Variants in OSBPL6 observed in about 807,000 individuals in gnomAD.
OSBPL6 encodes oxysterol-binding protein-related protein 6.
OSBPL6 carries 49 observed loss-of-function variants against 125.8 expected under a neutral mutation model. The ratio of observed to expected loss-of-function variants is 0.39; its 90% CI spans 0.31 to 0.49. OSBPL6 has a LOEUF of 0.49. Among genes scored for constraint, OSBPL6 ranks in the 20% least tolerant of loss-of-function variants. The pLI is 0.88. For missense variants in OSBPL6, 986 were observed against 1,135.4 expected, an observed-to-expected ratio of 0.87 and a Z score of 1.89; for synonymous variants, 394 against 391.8, an observed-to-expected ratio of 1.01 and a Z score of -0.07.
chr2:178,384,003 T>TC, intron 17 of OSBPL6, 36 bp from the exon 18 acceptor site: 1 of 1,608,062 alleles, frequency 6.2e-7, no homozygotes, highest in East Asian at 2.2e-5. Context: ...CAGTCGTCTC[T>TC]CCTATATTAT....
chr2:178,388,539 C>A (rs1467006885), intron 20 of OSBPL6, among the ~76,000 whole-genome samples: 3 of 152,130 alleles, frequency 2.0e-5, no homozygotes, highest in Non-Finnish European at 2.9e-5. Flanking sequence ...CCCTTCTGAC[C>A]TTTGTGGCTC....
chr2:178,377,773 G>A (rs1694020124), intron 15 of OSBPL6, among the ~76,000 whole-genome samples: 1 of 152,142 alleles, frequency 6.6e-6, no homozygotes, highest in South Asian at 2.1e-4. Context: ...GCCTATGCTG[G>A]CTGTCCTATC....
chr2:178,340,522 A>G (rs1690099979), intron 11 of OSBPL6, among the ~76,000 whole-genome samples: 1 of 152,076 alleles, frequency 6.6e-6, no homozygotes, highest in South Asian at 2.1e-4. Context: ...ATTGTGTTGC[A>G]GTGATTCAAA....
rs553806166 is a variant in OSBPL6 at position 178,392,658 on chromosome 2, C to G, written c.2573+120C>G. On this transcript the variant is annotated intron_variant, in intron 23 of 24. Coordinates refer to ENST00000190611, the MANE Select transcript of OSBPL6 (RefSeq NM_032523.4). Reference sequence around the variant, plus strand: ...ATCACTTGAGGTCAGGAATTCAAGACCAGCCTGGACAATATAGTGAGACTC... The same window carrying G: ...ATCACTTGAGGTCAGGAATTCAAGAGCAGCCTGGACAATATAGTGAGACTC... 2.3e-6 allele frequency: 3 copies of G among 1,281,492 alleles called. No individual in the cohort carries two copies. The African/African-American group carries it at 4.5e-5, about 19-fold the overall frequency. 79.4% of individuals were successfully genotyped at this position (1,281,492 alleles called of 1,614,324 possible). A position where few individuals can be genotyped will look rare whatever the true frequency, so the allele number is the denominator to read the frequency against.
intron 12 of OSBPL6, among the ~76,000 whole-genome samples, chr2:178,356,572 C>A (rs1051563076): frequency 2.6e-5 from 4 of 152,158 alleles, no homozygotes; most frequent in Admixed American, 2.6e-4. Flanking sequence ...CACACCACTG[C>A]ACAATGAAAT....
At chr2:178,204,032 T>C (rs1252209993) in intron 1 of OSBPL6, among the ~76,000 whole-genome samples, 1 of 150,244 alleles carries the variant, frequency 6.7e-6, no homozygotes, top group Non-Finnish European at 1.5e-5. Context: ...TTTCTTTTTT[T>C]TTTTTTTTTT....
chr2:178,336,571 C>T lies in OSBPL6; in HGVS notation c.790+138C>T, dbSNP rs184526119. ...TGACCTTTCCTTGCTCTTTCTCCCC[C>T]TTGTTCTTATTTTTATGCACCAGCT... On this transcript the variant is annotated intron_variant, in intron 9 of 24. Coordinates refer to ENST00000190611, the MANE Select transcript of OSBPL6 (RefSeq NM_032523.4). 60 of 1,003,264 alleles carry T rather than the reference C, an allele frequency of 6.0e-5. No homozygotes were observed. In the Admixed American group the frequency reaches 8.6e-4, roughly 14 times the overall value. The allele number at this position is 1,003,264 out of a possible 1,614,324, so 62.1% of individuals were successfully genotyped here. A position where few individuals can be genotyped will look rare whatever the true frequency, so the allele number is the denominator to read the frequency against.
At chr2:178,236,967 C>G (rs2091078189) in intron 1 of OSBPL6, among the ~76,000 whole-genome samples, 1 of 152,164 alleles carries the variant, frequency 6.6e-6, no homozygotes, top group Admixed American at 6.6e-5. Flanking sequence ...CTCAAGTAGG[C>G]TAATTCAGCT....
At chr2:178,234,405 G>C (rs1004429112) in intron 1 of OSBPL6, among the ~76,000 whole-genome samples, 6 of 152,118 alleles carry the variant, frequency 3.9e-5, no homozygotes, top group African/African-American at 1.4e-4. Flanking sequence ...CAGTGAGAGA[G>C]AGAGAGAGAC....
At chr2:178,373,688 C>T (rs1693613538) in intron 14 of OSBPL6, among the ~76,000 whole-genome samples, 1 of 152,184 alleles carries the variant, frequency 6.6e-6, no homozygotes, top group African/African-American at 2.4e-5. Context: ...GTACCAACAC[C>T]TTTCAACTAT....
At chr2:178,311,190 C>T (rs1160917000) in intron 3 of OSBPL6, among the ~76,000 whole-genome samples, 3 of 152,174 alleles carry the variant, frequency 2.0e-5, no homozygotes, top group Non-Finnish European at 2.9e-5. Flanking sequence ...TGGTTCTCTC[C>T]AGTACATTCC....
chr2:178,365,347 G>A (rs1692732641), intron 13 of OSBPL6, among the ~76,000 whole-genome samples: 4 of 152,174 alleles, frequency 2.6e-5, no homozygotes, highest in African/African-American at 9.7e-5. Context: ...AAGGCACATA[G>A]CAGATAAAAT....
At chr2:178,207,332 T>C (rs1251993601) in intron 1 of OSBPL6, among the ~76,000 whole-genome samples, 1 of 152,202 alleles carries the variant, frequency 6.6e-6, no homozygotes, top group Non-Finnish European at 1.5e-5. Flanking sequence ...TCCTTTTCTT[T>C]GTCTGTGTCA....
intron 1 of OSBPL6, among the ~76,000 whole-genome samples, chr2:178,272,702 A>G (rs755940349): frequency 6.6e-6 from 1 of 152,216 alleles, no homozygotes; most frequent in Non-Finnish European, 1.5e-5. Flanking sequence ...TTTCTTCAGC[A>G]AAACTTGTCT....
At chr2:178,213,649 A>G (rs998529896) in intron 1 of OSBPL6, among the ~76,000 whole-genome samples, 1 of 152,196 alleles carries the variant, frequency 6.6e-6, no homozygotes, top group Non-Finnish European at 1.5e-5. Flanking sequence ...TCATGTCACT[A>G]TGTGCTTAAA....
rs7591547 is a variant in OSBPL6, at chr2:178,379,287, A to G, written c.1534-3133A>G. Among the ~76,000 whole-genome samples the G allele has an allele frequency of 3.6e-3, 514 of 144,068 alleles. 6 individuals carry two copies. Among genetic ancestry groups the G allele is most frequent in the African/African-American group, 0.013 (500 of 38,814 alleles). 94.5% of individuals were successfully genotyped at this position (144,068 alleles called of 152,430 possible). A position where few individuals can be genotyped will look rare whatever the true frequency, so the allele number is the denominator to read the frequency against. ...AAAGAAAGAGAAAGAAAGAAAGAAA[A>G]GAAAGAAAGAAGAAAGAAAGAAACA... On this transcript the variant is annotated intron_variant, in intron 15 of 24. Coordinates refer to ENST00000190611, the MANE Select transcript of OSBPL6 (RefSeq NM_032523.4).
At chr2:178,234,851 A>C (rs1297003510) in intron 1 of OSBPL6, among the ~76,000 whole-genome samples, 1 of 152,214 alleles carries the variant, frequency 6.6e-6, no homozygotes, top group Non-Finnish European at 1.5e-5. Flanking sequence ...AGATTCAAGG[A>C]ATGGAGTCTG....
At chr2:178,290,685 A>T (rs1020974180) in intron 2 of OSBPL6, among the ~76,000 whole-genome samples, 3 of 152,118 alleles carry the variant, frequency 2.0e-5, no homozygotes, top group Non-Finnish European at 2.9e-5. Flanking sequence ...CTTTTTGTGC[A>T]TTCCATACCC....
rs529206385 is a variant in OSBPL6, at chr2:178,220,322, G to A, written c.-351+25648G>A. On this transcript the variant is annotated intron_variant, in intron 1 of 24. Transcript: ENST00000190611. ...GGGGGCTGGGGAGGCGGGTGGACAG[G>A]GTCTTACTCTGTCACCTACGCTGGA... 2.6e-5 allele frequency among the ~76,000 whole-genome samples: 4 copies of A among 152,054 alleles called. No homozygotes were observed. The South Asian group carries it at 6.2e-4, about 24-fold the overall frequency.
Sources: gnomAD v4.1 joint callset for allele counts (sites outside exome capture counted in the v4.1 genomes callset) on GRCh38, gnomAD v4.1.1 for gene constraint, MANE v1.5 for transcripts, NCBI Gene and HGNC (gene_info 2026-07-23, HGNC 2026-07-21) for gene names.